The following TAS2R1 variants were observed in gnomAD, a reference collection of about 807,000 sequenced individuals.
The protein encoded by TAS2R1 is taste receptor type 2 member 1.
For synonymous variants in TAS2R1, 141 were observed against 134.2 expected, an observed-to-expected ratio of 1.05 and a Z score of -0.35; for missense variants, 370 against 353.4, an observed-to-expected ratio of 1.05 and a Z score of -0.38.
At chr5:9,656,238 T>C (rs1740416363) in intron 2 of TAS2R1, among the ~76,000 whole-genome samples, 1 of 152,124 alleles carries the variant, frequency 6.6e-6, no homozygotes, top group African/African-American at 2.4e-5. Context: ...CTAAAGAAAA[T>C]TATCGAGTAT....
chr5:9,637,829 C>T lies in TAS2R1; in HGVS notation c.-80-7837G>A, dbSNP rs1196896278. On this transcript the variant is annotated intron_variant, in intron 2 of 2. Transcript: ENST00000506620. ...ATTTTGATAATTTTTCATCCATATC[C>T]TACATTTTTAAAATTTCTTTAAGTT... 2.0e-5 allele frequency among the ~76,000 whole-genome samples: 3 copies of T among 151,928 alleles called. No homozygotes were observed. In the East Asian group the frequency reaches 5.8e-4, roughly 29 times the overall value.
chr5:9,721,874 T>A, the TAS2R1 span, among the ~76,000 whole-genome samples: 1 of 152,204 alleles, frequency 6.6e-6, no homozygotes. Flanking sequence ...TTATCCAAAA[T>A]AAAACCTAAT....
At chr5:9,678,144 A>C (rs2126507999) in intron 1 of TAS2R1, among the ~76,000 whole-genome samples, 1 of 152,334 alleles carries the variant, frequency 6.6e-6, no homozygotes, top group South Asian at 2.1e-4. Context: ...CATTTCTCAA[A>C]AGAAGACATT....
chr5:9,865,776 T>C, the TAS2R1 span, among the ~76,000 whole-genome samples: 3 of 152,254 alleles, frequency 2.0e-5, no homozygotes, highest in South Asian at 6.2e-4. Context: ...TCACTCTTCC[T>C]GTTTCCTTTC....
chr5:9,896,915 G>T, the TAS2R1 span, among the ~76,000 whole-genome samples: 1 of 152,162 alleles, frequency 6.6e-6, no homozygotes, highest in Non-Finnish European at 1.5e-5. Flanking sequence ...CAACAATTTG[G>T]CTCCGATCCC....
the TAS2R1 span, among the ~76,000 whole-genome samples, chr5:9,764,919 C>T: frequency 5.7e-4 from 87 of 152,252 alleles, no homozygotes; most frequent in African/African-American, 2.0e-3. Flanking sequence ...CATCACACAG[C>T]CAATGAGACT....
At chr5:9,798,310 A>G in the TAS2R1 span, among the ~76,000 whole-genome samples, 1 of 152,180 alleles carries the variant, frequency 6.6e-6, no homozygotes, top group Non-Finnish European at 1.5e-5. Flanking sequence ...AAATTGGATT[A>G]TGGTGATAAT....
At chr5:9,807,133 A>T in the TAS2R1 span, among the ~76,000 whole-genome samples, 1 of 152,214 alleles carries the variant, frequency 6.6e-6, no homozygotes. Flanking sequence ...ACAAATGGTC[A>T]ACAAGCATAT....
chr5:9,708,513 T>C (rs1185961532), intron 1 of TAS2R1, among the ~76,000 whole-genome samples: 1 of 152,234 alleles, frequency 6.6e-6, no homozygotes. Flanking sequence ...GTCTGACTTT[T>C]GCATACATTG....
the TAS2R1 span, among the ~76,000 whole-genome samples, chr5:9,804,011 G>A: frequency 6.6e-6 from 1 of 151,956 alleles, no homozygotes; most frequent in Non-Finnish European, 1.5e-5. Flanking sequence ...TAACACATAA[G>A]GATTCACATA....
chr5:9,858,407 C>T, the TAS2R1 span, among the ~76,000 whole-genome samples: 4 of 152,146 alleles, frequency 2.6e-5, no homozygotes, highest in Non-Finnish European at 5.9e-5. Flanking sequence ...CTCTCCATGC[C>T]GTGCTGCCTG....
chr5:9,784,634 T>C, the TAS2R1 span, among the ~76,000 whole-genome samples: 3 of 152,220 alleles, frequency 2.0e-5, no homozygotes, highest in African/African-American at 7.2e-5. Flanking sequence ...ATGTATTGCC[T>C]CTCAGTCCTG....
the TAS2R1 span, among the ~76,000 whole-genome samples, chr5:9,901,069 A>G: frequency 2.6e-5 from 4 of 152,116 alleles, no homozygotes; most frequent in African/African-American, 9.7e-5. Context: ...CTCACTCAGT[A>G]AATAGGTACT....
intron 1 of TAS2R1, among the ~76,000 whole-genome samples, chr5:9,683,715 T>C (rs926128538): frequency 3.3e-5 from 5 of 152,226 alleles, no homozygotes; most frequent in Admixed American, 2.6e-4. Flanking sequence ...TATTAATTGA[T>C]TGGAGTTTGC....
chr5:9,859,201 A>G, the TAS2R1 span, among the ~76,000 whole-genome samples: 1 of 152,238 alleles, frequency 6.6e-6, no homozygotes, highest in Non-Finnish European at 1.5e-5. Context: ...TTGGCCCCCA[A>G]AATATACCTC....
downstream of TAS2R1, chr5:9,629,349 CA>C: frequency 6.2e-7 from 1 of 1,613,814 alleles, no homozygotes; most frequent in Non-Finnish European, 8.5e-7. Context: ...ACAGGATAGA[CA>C]GCAACGCGCT....
the TAS2R1 span, among the ~76,000 whole-genome samples, chr5:9,841,670 T>G: frequency 6.6e-6 from 1 of 152,214 alleles, no homozygotes; most frequent in Non-Finnish European, 1.5e-5. Context: ...CCCTTTCTGT[T>G]CTTGCTGGTG....
the TAS2R1 span, among the ~76,000 whole-genome samples, chr5:9,718,521 C>T: frequency 3.3e-5 from 5 of 152,150 alleles, no homozygotes; most frequent in Admixed American, 2.6e-4. Flanking sequence ...GGTGCAGTGG[C>T]TCACACCTGT....
the TAS2R1 span, among the ~76,000 whole-genome samples, chr5:9,728,370 T>C: frequency 6.6e-6 from 1 of 152,228 alleles, no homozygotes; most frequent in African/African-American, 2.4e-5. Flanking sequence ...AAAGTTCCAA[T>C]ATGACATTGC....
Sources: gnomAD v4.1 joint callset for allele counts (sites outside exome capture counted in the v4.1 genomes callset) on GRCh38, gnomAD v4.1.1 for gene constraint, MANE v1.5 for transcripts, NCBI Gene and HGNC (gene_info 2026-07-23, HGNC 2026-07-21) for gene names.